The following BACH1 variants were observed in gnomAD, a reference collection of about 807,000 sequenced individuals.
The protein encoded by BACH1 is BTB domain and CNC homolog 1.
BACH1 carries 35 observed loss-of-function variants against 52.9 expected under a neutral mutation model. The observed-to-expected ratio is 0.66, with a 90% CI of 0.51 to 0.88. The LOEUF is 0.88. Ranked by LOEUF, BACH1 falls within the 40% of genes least tolerant of loss-of-function variation. The pLI is 0.00. For synonymous variants in BACH1, 321 were observed against 319.6 expected (o/e 1.00, Z -0.05); for missense variants, 808 against 872.6 (o/e 0.93, Z 0.93).
Position 29,327,411 on chromosome 21 carries a change from C to G in BACH1, c.1569+18C>G, listed in dbSNP as rs779086628. 1 of 1,595,982 alleles carries G rather than the reference C, an allele frequency of 6.3e-7. No individual in the cohort carries two copies. On this transcript the variant is annotated intron_variant, in intron 3 of 4. Coordinates refer to ENST00000286800, the MANE Select transcript of BACH1 (RefSeq NM_001186.4). ...AATGTGAGGTGAGCAGGAATATGTT[C>G]TTAATTCATTGTTTTAATAACCATT...
At chr21:29,300,018 A>G (rs979285650) in intron 1 of BACH1, 1 of 152,200 alleles carries the variant, frequency 6.6e-6, no homozygotes, top group Non-Finnish European at 1.5e-5. Flanking sequence ...GTGGCAGAGC[A>G]CTTGAGCGCT....
At chr21:29,351,184 A>C (rs1014417173) in intron 2 of BACH1, among the ~76,000 whole-genome samples, 2 of 152,218 alleles carry the variant, frequency 1.3e-5, no homozygotes, top group Non-Finnish European at 2.9e-5. Context: ...CTAAACAGTT[A>C]ATTTCCTTCT....
rs200422810 is a variant in BACH1 at position 29,326,091 on chromosome 21, G to C, written c.267G>C (p.Gln89His). The change falls in exon 3 of 5, where the codon CAG becomes CAC. Residue 89 changes from glutamine (Q) to histidine (H), a missense_variant. Transcript: ENST00000286800. ...VTVKGFEPLIQFAYTAKLILS... is the reference protein window; with the variant it reads ...VTVKGFEPLIHFAYTAKLILS... ...TTAAAGGATTTGAACCTTTAATTCA[G>C]TTTGCCTACACTGCTAAACTGATTT... 1.9e-5 allele frequency: 30 copies of C among 1,610,436 alleles called. No homozygotes were observed. Among genetic ancestry groups the C allele is most frequent in the Middle Eastern group, 1.7e-4 (1 of 6,050 alleles).
intron 1 of BACH1, among the ~76,000 whole-genome samples, chr21:29,319,650 G>A (rs957402166): frequency 2.7e-5 from 4 of 149,410 alleles, no homozygotes; most frequent in Non-Finnish European, 4.4e-5. Context: ...AGAATGATGA[G>A]CTATAGAAGT....
downstream of BACH1, among the ~76,000 whole-genome samples, chr21:29,349,362 TAA>T (rs2089189544): frequency 6.6e-6 from 1 of 152,134 alleles, no homozygotes; most frequent in Admixed American, 6.5e-5. Context: ...CAGCTACACC[TAA>T]AAGGCCTGTG....
intron 2 of BACH1, among the ~76,000 whole-genome samples, chr21:29,322,398 T>C (rs1452884255): frequency 6.6e-6 from 1 of 152,238 alleles, no homozygotes; most frequent in Non-Finnish European, 1.5e-5. Flanking sequence ...TTATATAGCC[T>C]TATTTTTACA....
chr21:29,351,305 T>C (rs772832796), intron 2 of BACH1, among the ~76,000 whole-genome samples: 1 of 152,220 alleles, frequency 6.6e-6, no homozygotes, highest in Non-Finnish European at 1.5e-5. Context: ...CAGCACGCTA[T>C]ATGAAAATAT....
chr21:29,331,389 G>C (rs1246724090), intron 4 of BACH1, among the ~76,000 whole-genome samples: 1 of 152,146 alleles, frequency 6.6e-6, no homozygotes, highest in Non-Finnish European at 1.5e-5. Flanking sequence ...AGCGAAACAA[G>C]ACTATTCTAG....
intron 2 of BACH1, among the ~76,000 whole-genome samples, chr21:29,352,027 A>G (rs929150947): frequency 1.3e-5 from 2 of 152,050 alleles, no homozygotes; most frequent in African/African-American, 2.4e-5. Flanking sequence ...TAGAAAGAAC[A>G]TAAACCTGCA....
rs753377049 is a variant in BACH1 at position 29,342,839 on chromosome 21, C to G, written c.*6C>G. ...AATGTACTACTGATGAGTAAACTTG[C>G]ATTCACTTCCTTCAAACCATCTAAT... is the stretch of plus-strand genomic sequence containing the variant. On this transcript the variant is annotated 3_prime_UTR_variant, in exon 5 of 5. Coordinates refer to ENST00000286800, the MANE Select transcript of BACH1 (RefSeq NM_001186.4). 7.0e-6 allele frequency: 11 copies of G among 1,567,562 alleles called. No individual in the cohort carries two copies. The highest frequency in any genetic ancestry group is 4.1e-5 in the African/African-American group (3 of 73,498).
chr21:29,327,091 G>A lies in BACH1; in HGVS notation c.1267G>A (p.Asp423Asn), dbSNP rs1345724372. ...QMQLSPAVAK[D>N]GSEQISQKRS... ...GCAGTTATCACCTGCTGTGGCCAAAGATGGCTCAGAACAGATCTCACAGAA... is the reference window on the plus strand; with the variant it reads ...GCAGTTATCACCTGCTGTGGCCAAAAATGGCTCAGAACAGATCTCACAGAA... The change falls in exon 3 of 5, where the codon GAT becomes AAT. Residue 423 changes from aspartate to asparagine, a missense_variant. Asp to Asn is a conservative substitution (Grantham distance 23). Transcript: ENST00000286800. 6.2e-7 allele frequency: 1 copy of A among 1,614,100 alleles called. No homozygotes were observed. Among genetic ancestry groups the A allele is most frequent in the Non-Finnish European group, 8.5e-7 (1 of 1,180,052 alleles).
chr21:29,310,492 A>G (rs143659035), intron 1 of BACH1, among the ~76,000 whole-genome samples: 2 of 152,352 alleles, frequency 1.3e-5, no homozygotes, highest in East Asian at 1.9e-4. Flanking sequence ...TAATTTGAGT[A>G]TGCAGTTGGC....
chr21:29,356,286 A>C (rs932208656), intron 2 of BACH1, among the ~76,000 whole-genome samples: 1 of 152,236 alleles, frequency 6.6e-6, no homozygotes, highest in African/African-American at 2.4e-5. Context: ...AACTTTTAGC[A>C]AACTTTTGTT....
At chr21:29,328,145 T>C (rs1310004964) in intron 3 of BACH1, among the ~76,000 whole-genome samples, 5 of 152,244 alleles carry the variant, frequency 3.3e-5, no homozygotes, top group Non-Finnish European at 7.3e-5. Context: ...ATGTGACTTC[T>C]AGTGGAGTAA....
chr21:29,308,277 T>C (rs574795908), intron 1 of BACH1, among the ~76,000 whole-genome samples: 13 of 152,236 alleles, frequency 8.5e-5, no homozygotes, highest in South Asian at 4.1e-4. Context: ...AATAGACTTA[T>C]GTTTTTAGTT....
At chr21:29,360,418 C>T (rs2089264296) in intron 2 of BACH1, among the ~76,000 whole-genome samples, 1 of 152,232 alleles carries the variant, frequency 6.6e-6, no homozygotes, top group South Asian at 2.1e-4. Flanking sequence ...GCCTCAGAGG[C>T]CTTCCACAAT....
chr21:29,318,903 C>T (rs1345961685), intron 1 of BACH1, among the ~76,000 whole-genome samples: 1 of 152,166 alleles, frequency 6.6e-6, no homozygotes, highest in Non-Finnish European at 1.5e-5. Flanking sequence ...TCATATCCAG[C>T]TCCCCACATT....
At chr21:29,337,799 C>G (rs1479109565) in intron 4 of BACH1, among the ~76,000 whole-genome samples, 3 of 151,996 alleles carry the variant, frequency 2.0e-5, no homozygotes, top group African/African-American at 7.2e-5. Flanking sequence ...CATGGTGGTG[C>G]AAACCTGTAA....
intron 2 of BACH1, among the ~76,000 whole-genome samples, chr21:29,323,382 C>G (rs2088871548): frequency 6.6e-6 from 1 of 152,112 alleles, no homozygotes; most frequent in Non-Finnish European, 1.5e-5. Context: ...AGTCTGTGGC[C>G]AAAGGCCCAA....
Sources: allele counts gnomAD v4.1 joint callset (sites outside exome capture counted in the v4.1 genomes callset), GRCh38; gene constraint gnomAD v4.1.1; transcripts MANE v1.5; gene names NCBI Gene and HGNC (gene_info 2026-07-23, HGNC 2026-07-21).